Variants in ACBD6 observed in about 807,000 individuals in gnomAD.
ACBD6 encodes acyl-CoA binding domain containing 6.
ACBD6 carries 28 observed loss-of-function variants against 37.2 expected under a neutral mutation model. The observed-to-expected ratio is 0.75, with a 90% CI of 0.56 to 1.03. The LOEUF is 1.03. Ranked by LOEUF, ACBD6 falls within the 50% of genes least tolerant of loss-of-function variation. The pLI is 0.00. For missense variants in ACBD6, 340 were observed against 337.4 expected, an observed-to-expected ratio of 1.01 and a Z score of -0.06; for synonymous variants, 113 against 126.8, an observed-to-expected ratio of 0.89 and a Z score of 0.73.
chr1:180,414,005 G>C (rs755505268), intron 4 of ACBD6, among the ~76,000 whole-genome samples: 3 of 152,184 alleles, frequency 2.0e-5, no homozygotes, highest in African/African-American at 4.8e-5. Flanking sequence ...AACTCACTTA[G>C]ACCAACTGAT....
intron 3 of ACBD6, among the ~76,000 whole-genome samples, chr1:180,474,427 T>C (rs1650704050): frequency 6.6e-6 from 1 of 151,322 alleles, no homozygotes; most frequent in African/African-American, 2.4e-5. Flanking sequence ...AAATACAACA[T>C]AAAACATAAA....
chr1:180,270,911 C>CATT, exon 14 of ACBD6: 1 of 244,688 alleles, frequency 4.1e-6, no homozygotes, highest in South Asian at 5.0e-5. Context: ...GACGCCAGGG[C>CATT]AAAGGTGACA....
chr1:180,422,813 T>C (rs1648423043), intron 4 of ACBD6, among the ~76,000 whole-genome samples: 1 of 152,204 alleles, frequency 6.6e-6, no homozygotes, highest in African/African-American at 2.4e-5. Context: ...AACTGCTCAC[T>C]TGGAGATGAT....
At chr1:180,367,326 T>G (rs1417742212) in intron 6 of ACBD6, among the ~76,000 whole-genome samples, 1 of 152,202 alleles carries the variant, frequency 6.6e-6, no homozygotes. Context: ...ACTTAAATAA[T>G]ACTAAAGTAT....
intron 4 of ACBD6, among the ~76,000 whole-genome samples, chr1:180,414,660 C>T (rs909986467): frequency 6.6e-5 from 10 of 152,188 alleles, no homozygotes; most frequent in African/African-American, 2.2e-4. Flanking sequence ...CAAAAATCTA[C>T]ACAGGATTAA....
intron 6 of ACBD6, among the ~76,000 whole-genome samples, chr1:180,363,055 T>C (rs758440755): frequency 1.5e-4 from 23 of 152,208 alleles, no homozygotes; most frequent in Non-Finnish European, 2.6e-4. Context: ...ATTAACTTAT[T>C]AACATATTTT....
intron 3 of ACBD6, among the ~76,000 whole-genome samples, chr1:180,455,398 C>T (rs1166488910): frequency 1.3e-5 from 2 of 151,982 alleles, no homozygotes; most frequent in African/African-American, 4.8e-5. Flanking sequence ...GGAGGGATAG[C>T]ATTAGAAGAA....
chr1:180,498,826 C>G (rs1220249337), intron 1 of ACBD6, among the ~76,000 whole-genome samples: 2 of 151,328 alleles, frequency 1.3e-5, no homozygotes, highest in East Asian at 1.9e-4. Context: ...CCACTGCATT[C>G]CAGCCTGGAT....
At chr1:180,441,003 G>T (rs897717934) in intron 3 of ACBD6, among the ~76,000 whole-genome samples, 2 of 152,168 alleles carry the variant, frequency 1.3e-5, no homozygotes, top group African/African-American at 4.8e-5. Flanking sequence ...GAATACTGCT[G>T]CTATGATCAT....
At chr1:180,463,673 C>A (rs974272141) in intron 3 of ACBD6, among the ~76,000 whole-genome samples, 1 of 152,076 alleles carries the variant, frequency 6.6e-6, no homozygotes, top group Non-Finnish European at 1.5e-5. Context: ...TTCAAAAAAA[C>A]TGAAAAGGAG....
chr1:180,501,008 C>T (rs1651950352), intron 1 of ACBD6, among the ~76,000 whole-genome samples: 1 of 152,102 alleles, frequency 6.6e-6, no homozygotes, highest in Non-Finnish European at 1.5e-5. Context: ...CTTCTGGTAC[C>T]AACCAATGTC....
intron 10 of ACBD6, chr1:180,274,614 C>A: frequency 6.6e-7 from 1 of 1,521,100 alleles, no homozygotes; most frequent in Non-Finnish European, 8.8e-7. Context: ...GCCCCCCTGG[C>A]TTGAGAGAAT....
At chr1:180,432,857 A>C (rs1648865532) in intron 3 of ACBD6, among the ~76,000 whole-genome samples, 1 of 152,060 alleles carries the variant, frequency 6.6e-6, no homozygotes, top group African/African-American at 2.4e-5. Context: ...CTGAATCACG[A>C]AGAAATCAAA....
At chr1:180,335,095 T>C (rs568083641) in intron 6 of ACBD6, among the ~76,000 whole-genome samples, 124 of 152,236 alleles carry the variant, frequency 8.1e-4, no homozygotes, top group African/African-American at 2.9e-3. Flanking sequence ...CTGCAGGATA[T>C]TATCCAGGAG....
At chr1:180,318,581 T>A (rs1650926999) in intron 6 of ACBD6, among the ~76,000 whole-genome samples, 1 of 152,198 alleles carries the variant, frequency 6.6e-6, no homozygotes, top group Non-Finnish European at 1.5e-5. Flanking sequence ...AGATATATTA[T>A]CAGCTTAAGA....
chr1:180,416,537 T>C (rs1648102896), intron 4 of ACBD6, among the ~76,000 whole-genome samples: 1 of 152,216 alleles, frequency 6.6e-6, no homozygotes, highest in South Asian at 2.1e-4. Context: ...TATCTATAGA[T>C]GACTGTGAGT....
intron 7 of ACBD6, among the ~76,000 whole-genome samples, chr1:180,312,365 G>A (rs776711355): frequency 4.0e-5 from 6 of 151,244 alleles, no homozygotes; most frequent in Non-Finnish European, 5.9e-5. Flanking sequence ...ATTTTTTTTA[G>A]CTTTTTACAA....
intron 6 of ACBD6, among the ~76,000 whole-genome samples, chr1:180,355,373 T>C (rs1399493086): frequency 2.0e-5 from 3 of 152,196 alleles, no homozygotes; most frequent in African/African-American, 7.2e-5. Flanking sequence ...AATCTTAAGA[T>C]TCATTCTTCT....
intron 6 of ACBD6, among the ~76,000 whole-genome samples, chr1:180,321,693 T>C (rs1961741): frequency 1.3e-5 from 2 of 152,148 alleles, no homozygotes; most frequent in Non-Finnish European, 2.9e-5. Flanking sequence ...GAAATGCTAC[T>C]GATTTTTGTA....
Sources: allele counts gnomAD v4.1 joint callset (sites outside exome capture counted in the v4.1 genomes callset), GRCh38; gene constraint gnomAD v4.1.1; transcripts MANE v1.5; gene names NCBI Gene and HGNC (gene_info 2026-07-23, HGNC 2026-07-21).